Variants in TBC1D8 observed in about 807,000 individuals in gnomAD.
TBC1D8 encodes the protein BUB2-like protein 1.
Under a neutral mutation model 118.8 loss-of-function variants are expected in TBC1D8, and 65 were observed. The observed-to-expected ratio is 0.55, with a 90% CI of 0.45 to 0.67. The LOEUF (loss-of-function observed/expected upper bound fraction) is 0.67. Ranked by LOEUF, TBC1D8 falls within the 30% of genes least tolerant of loss-of-function variation. The probability of loss-of-function intolerance (pLI) is 0.00; values close to 1 mark genes in which losing one functional copy is unlikely to be tolerated. For synonymous variants in TBC1D8, 566 were observed against 595.8 expected (o/e 0.95, Z 0.73); for missense variants, 1,376 against 1,471.2 (o/e 0.94, Z 1.06).
intron 1 of TBC1D8, among the ~76,000 whole-genome samples, chr2:101,137,932 G>A (rs1325922542): frequency 6.6e-6 from 1 of 152,114 alleles, no homozygotes; most frequent in Non-Finnish European, 1.5e-5. Context: ...CCCGCGACTG[G>A]GTAATTTCTA....
At chr2:101,062,347 T>C (rs1376380190) in intron 2 of TBC1D8, among the ~76,000 whole-genome samples, 1 of 151,154 alleles carries the variant, frequency 6.6e-6, no homozygotes, top group Admixed American at 6.6e-5. Flanking sequence ...AAAGGGAGCA[T>C]TTTATGGGAC....
chr2:101,087,857 G>A (rs1005914137), intron 2 of TBC1D8, among the ~76,000 whole-genome samples: 1 of 152,138 alleles, frequency 6.6e-6, no homozygotes, highest in Non-Finnish European at 1.5e-5. Flanking sequence ...CTCAGAGGGT[G>A]GAGAGCCAGT....
chr2:101,030,357 G>A (rs908091100), intron 11 of TBC1D8, among the ~76,000 whole-genome samples: 1 of 152,148 alleles, frequency 6.6e-6, no homozygotes, highest in Non-Finnish European at 1.5e-5. Context: ...TTTTTAAAGA[G>A]GCTAAAGATT....
Position 101,036,182 on chromosome 2 carries a change from T to C in TBC1D8, c.1453-14A>G, listed in dbSNP as rs1202757136. The C allele has an allele frequency of 6.8e-6, 11 of 1,611,644 alleles. No homozygotes were observed. Among genetic ancestry groups the C allele is most frequent in the Non-Finnish European group, 8.5e-7 (1 of 1,177,920 alleles). ...CTGTTCTCTGGACTGGAAATGGGAATATTCTTAATGTACAAAGAAGTCTGT... is the reference window on the plus strand; with the variant it reads ...CTGTTCTCTGGACTGGAAATGGGAACATTCTTAATGTACAAAGAAGTCTGT... On this transcript the variant is annotated splice_polypyrimidine_tract_variant and intron_variant, in intron 8 of 19. Transcript: ENST00000409318.
Position 101,050,369 on chromosome 2 carries a change from G to A in TBC1D8, c.872+32C>T, listed in dbSNP as rs778897565. On this transcript the variant is annotated intron_variant, in intron 5 of 19. Coordinates refer to ENST00000409318, the MANE Select transcript of TBC1D8 (RefSeq NM_001330348.2). ...GCACAGCTTATGGGTCCCCCGTGCGGGTGGGAGACACTCTAGAACAGTCAC... is the reference window on the plus strand; with the variant it reads ...GCACAGCTTATGGGTCCCCCGTGCGAGTGGGAGACACTCTAGAACAGTCAC... 3.7e-6 allele frequency: 6 copies of A among 1,600,480 alleles called. No individual in the cohort carries two copies. In the South Asian group the frequency reaches 6.6e-5, roughly 18 times the overall value.
intron 19 of TBC1D8, among the ~76,000 whole-genome samples, chr2:101,010,527 C>T (rs554229039): frequency 1.1e-4 from 17 of 151,992 alleles, no homozygotes; most frequent in African/African-American, 2.7e-4. Flanking sequence ...TATGATGTTC[C>T]GCTACCTGGA....
chr2:101,012,250 ACACAGATTGTT>A (rs1225861426), intron 17 of TBC1D8, among the ~76,000 whole-genome samples: 2 of 152,248 alleles, frequency 1.3e-5, no homozygotes, highest in African/African-American at 4.8e-5. Flanking sequence ...GCAAACTTGT[ACACAGATTGTT>A]CACAGTAGTA....
chr2:101,031,583 A>G (rs576846499), intron 11 of TBC1D8, among the ~76,000 whole-genome samples: 55 of 152,060 alleles, frequency 3.6e-4, no homozygotes, highest in Non-Finnish European at 7.2e-4. Flanking sequence ...CCATTTTTGT[A>G]TTGTTTACTA....
At chr2:101,121,309 CAT>C (rs574975455) in intron 1 of TBC1D8, among the ~76,000 whole-genome samples, 142 of 152,324 alleles carry the variant, frequency 9.3e-4, no homozygotes, top group African/African-American at 3.2e-3. Flanking sequence ...ACATATCAGA[CAT>C]ATGACACGTG....
In TBC1D8 at chr2:101,129,697, A is replaced by T. The variant is rs544877750; in HGVS notation, c.127+21430T>A. Reference sequence around the variant, plus strand: ...GAGGCAGGCAGATCACGAGGTCAGGAGATCGAGACCATCCTGGCTAACACG... The same window carrying T: ...GAGGCAGGCAGATCACGAGGTCAGGTGATCGAGACCATCCTGGCTAACACG... On this transcript the variant is annotated intron_variant, in intron 1 of 19. Coordinates refer to ENST00000409318, the MANE Select transcript of TBC1D8 (RefSeq NM_001330348.2). Among the ~76,000 whole-genome samples, 43 of 151,876 alleles carry T rather than the reference A, an allele frequency of 2.8e-4. 2 individuals carry two copies. The South Asian group carries it at 8.8e-3, about 31-fold the overall frequency.
chr2:101,124,353 G>A (rs1233155380), intron 1 of TBC1D8, among the ~76,000 whole-genome samples: 1 of 152,134 alleles, frequency 6.6e-6, no homozygotes, highest in Non-Finnish European at 1.5e-5. Context: ...CTATCTCAAG[G>A]CTCTATAATA....
chr2:101,007,958 GT>G lies in TBC1D8; in HGVS notation c.3330del (p.Glu1110AspfsTer4). 1 of 1,614,026 alleles carries G rather than the reference GT, an allele frequency of 6.2e-7. No homozygotes were observed. Among genetic ancestry groups the G allele is most frequent in the Non-Finnish European group, 8.5e-7 (1 of 1,179,898 alleles). Reference sequence around the variant, plus strand: ...TTTTCAAAAAAGTTGACTAATGACTGTTCAGTCAGAAGTGAAGCTAAAATAT... The same window carrying G: ...TTTTCAAAAAAGTTGACTAATGACTGTCAGTCAGAAGTGAAGCTAAAATAT... ...LEHILASLLT[E>X]QSLVNFFEKP... On this transcript the variant is annotated frameshift_variant, in exon 20 of 20. Coordinates refer to ENST00000409318, the MANE Select transcript of TBC1D8 (RefSeq NM_001330348.2). LOFTEE classifies it high-confidence loss of function.
chr2:101,081,178 C>T (rs555933581), intron 2 of TBC1D8, among the ~76,000 whole-genome samples: 12 of 152,044 alleles, frequency 7.9e-5, no homozygotes, highest in Admixed American at 2.0e-4. Flanking sequence ...TTCCATTTTC[C>T]AAATCTAAAC....
At chr2:101,143,660 G>A (rs1162232005) in intron 1 of TBC1D8, among the ~76,000 whole-genome samples, 3 of 152,014 alleles carry the variant, frequency 2.0e-5, no homozygotes, top group African/African-American at 7.2e-5. Flanking sequence ...CCAGGGCTCA[G>A]GTGATTCTTT....
intron 2 of TBC1D8, among the ~76,000 whole-genome samples, chr2:101,065,349 C>T (rs1201162734): frequency 6.6e-6 from 1 of 152,210 alleles, no homozygotes; most frequent in Non-Finnish European, 1.5e-5. Context: ...AAAAGCCATA[C>T]AGACTACAAA....
intron 5 of TBC1D8, among the ~76,000 whole-genome samples, chr2:101,040,624 C>T (rs1319295222): frequency 2.0e-5 from 3 of 152,210 alleles, no homozygotes; most frequent in East Asian, 3.9e-4. Flanking sequence ...GACGCGCCAC[C>T]GCGCCCGGCT....
intron 17 of TBC1D8, among the ~76,000 whole-genome samples, chr2:101,018,787 G>C (rs1313010502): frequency 6.6e-6 from 1 of 152,132 alleles, no homozygotes; most frequent in African/African-American, 2.4e-5. Context: ...TTTCTCAGCA[G>C]TTTGTTATGT....
At chr2:101,082,853 GTGATGGT>G (rs138402568) in intron 2 of TBC1D8, among the ~76,000 whole-genome samples, 58,190 of 151,580 alleles carry the variant, frequency 0.38, 11,327 homozygotes, top group Middle Eastern at 0.45. Flanking sequence ...ATGGATGGTG[GTGATGGT>G]TGTACCATTC....
At chr2:101,112,584 G>A (rs1269038639) in intron 1 of TBC1D8, among the ~76,000 whole-genome samples, 4 of 152,280 alleles carry the variant, frequency 2.6e-5, no homozygotes, top group African/African-American at 4.8e-5. Flanking sequence ...GCTGCCAAAC[G>A]CAGGACAATC....
Sources: gnomAD v4.1 joint callset for allele counts (sites outside exome capture counted in the v4.1 genomes callset) on GRCh38, gnomAD v4.1.1 for gene constraint, MANE v1.5 for transcripts, NCBI Gene and HGNC (gene_info 2026-07-23, HGNC 2026-07-21) for gene names.